SCAF8: variants seen among roughly 807,000 people sequenced by gnomAD.
SCAF8 encodes SR-related and CTD-associated factor 8.
In SCAF8, 23 loss-of-function variants were observed where a neutral mutation model predicts 140.5. That is an observed-to-expected ratio of 0.16 (90% CI 0.12 to 0.23). SCAF8 has a LOEUF of 0.23. SCAF8 is among the 10% of genes least tolerant of loss of function. SCAF8 has a pLI of 1.00. For missense variants in SCAF8, 1,397 were observed against 1,555.7 expected (o/e 0.90, Z 1.72); for synonymous variants, 575 against 528.9 (o/e 1.09, Z -1.20).
At chr6:154,798,945 G>A (rs982553868) in intron 6 of SCAF8, among the ~76,000 whole-genome samples, 2 of 150,886 alleles carry the variant, frequency 1.3e-5, no homozygotes, top group Admixed American at 6.6e-5. Flanking sequence ...GACTACACCT[G>A]TAGCCAGCAT....
intron 9 of SCAF8, 93 bp from the exon 10 acceptor site, chr6:154,807,977 A>T: frequency 1.8e-6 from 2 of 1,136,676 alleles, no homozygotes; most frequent in Non-Finnish European, 2.5e-6. Flanking sequence ...TCATGTTTTT[A>T]AACATGTAAT....
intron 1 of SCAF8, among the ~76,000 whole-genome samples, chr6:154,759,990 C>T (rs1442888992): frequency 6.6e-6 from 1 of 151,800 alleles, no homozygotes; most frequent in Non-Finnish European, 1.5e-5. Context: ...TTTATAAGCA[C>T]TTTAAAAAAT....
At chr6:154,806,229 C>G (rs1345786334) in intron 9 of SCAF8, among the ~76,000 whole-genome samples, 3 of 152,110 alleles carry the variant, frequency 2.0e-5, no homozygotes, top group Admixed American at 2.0e-4. Context: ...CAAAATATTG[C>G]ACCTTAGAAC....
chr6:154,736,688 A>C (rs1371338923), intron 1 of SCAF8, among the ~76,000 whole-genome samples: 2 of 152,198 alleles, frequency 1.3e-5, no homozygotes, highest in Non-Finnish European at 2.9e-5. Flanking sequence ...TTTTAATATT[A>C]ATTAAGGATA....
At position 154,802,161 on chromosome 6, in the gene SCAF8, T is replaced by C; in HGVS notation, c.783+14T>C. 1 of 1,532,608 alleles carries C rather than the reference T, an allele frequency of 6.5e-7. No homozygotes were observed. The highest frequency in any genetic ancestry group is 8.8e-7 in the Non-Finnish European group (1 of 1,131,650). 94.9% of individuals were successfully genotyped at this position (1,532,608 alleles called of 1,614,324 possible). On this transcript the variant is annotated intron_variant, in intron 7 of 19. Coordinates refer to ENST00000367178, the MANE Select transcript of SCAF8 (RefSeq NM_014892.5). The stretch of plus-strand genomic sequence containing the variant: ...TCCTTTAACAAGGTAGAAATTAAAA[T>C]ATCGGATCAAGTCTATATGAATTAT...
intron 1 of SCAF8, among the ~76,000 whole-genome samples, chr6:154,755,828 T>C (rs1249445169): frequency 6.6e-6 from 1 of 152,194 alleles, no homozygotes; most frequent in Admixed American, 6.5e-5. Flanking sequence ...ACTCAGTGAT[T>C]TTGTAGTAGG....
intron 1 of SCAF8, among the ~76,000 whole-genome samples, chr6:154,741,368 T>C (rs930565521): frequency 4.6e-5 from 7 of 152,174 alleles, no homozygotes; most frequent in African/African-American, 1.7e-4. Context: ...TAGGGGACTT[T>C]ATAGCCCCAG....
chr6:154,733,867 C>T lies in SCAF8; in HGVS notation c.-34C>T, dbSNP rs754831911. The T allele has an allele frequency of 1.3e-6, 2 of 1,544,434 alleles. No individual in the cohort carries two copies. The highest frequency in any genetic ancestry group is 1.2e-5 in the South Asian group (1 of 83,524). On this transcript the variant is annotated 5_prime_UTR_variant, in exon 1 of 20. Coordinates refer to ENST00000367178, the MANE Select transcript of SCAF8 (RefSeq NM_014892.5). ...CCCAGTGCAGTGGCCGCCGCCTCTT[C>T]CGCCGCCGGGCTCGGGGCCTCCGCA...
chr6:154,776,311 GTATATATATA>G (rs1268460100), intron 2 of SCAF8, among the ~76,000 whole-genome samples: 2 of 101,546 alleles, frequency 2.0e-5, no homozygotes, highest in Non-Finnish European at 4.0e-5. Flanking sequence ...ATATATATAT[GTATATATATA>G]AACACTACAT....
chr6:154,757,972 G>A (rs977606690), intron 1 of SCAF8, among the ~76,000 whole-genome samples: 8 of 149,454 alleles, frequency 5.4e-5, no homozygotes, highest in African/African-American at 7.4e-5. Flanking sequence ...GTACAGTGGC[G>A]TAATCTTGGC....
intron 11 of SCAF8, 40 bp from the exon 12 acceptor site, chr6:154,809,974 GA>G (rs770160164): frequency 4.6e-6 from 7 of 1,506,762 alleles, no homozygotes; most frequent in Non-Finnish European, 4.5e-6. Context: ...TTGGTAGAAA[GA>G]AAACATTGTC....
chr6:154,796,829 A>G (rs7745018), intron 6 of SCAF8, among the ~76,000 whole-genome samples: 91,657 of 151,926 alleles, frequency 0.6, 30,271 homozygotes, highest in East Asian at 0.91. Flanking sequence ...AAAATTAGCT[A>G]GGCAGCTTGG....
Position 154,777,902 on chromosome 6 carries a change from T to C in SCAF8, c.115-99T>C, listed in dbSNP as rs1481222688. On this transcript the variant is annotated intron_variant, in intron 2 of 19. Transcript: ENST00000367178. The stretch of plus-strand genomic sequence containing the variant: ...AAAATTCTTGGTTAAGATAATTGTT[T>C]TGATAGACCTTTGGAGCATGTAAAA... 4 of 713,148 alleles carry C rather than the reference T, an allele frequency of 5.6e-6. No individual in the cohort carries two copies. The East Asian group carries it at 8.1e-5, about 15-fold the overall frequency. The allele number at this position is 713,148 out of a possible 1,614,324, so 44.2% of individuals were successfully genotyped here.
intron 8 of SCAF8, among the ~76,000 whole-genome samples, chr6:154,804,704 T>C (rs1198536679): frequency 1.3e-5 from 2 of 152,206 alleles, no homozygotes; most frequent in African/African-American, 4.8e-5. Context: ...AAGTACACTT[T>C]TTTCCAACTG....
At chr6:154,778,310 G>A (rs979433719) in intron 3 of SCAF8, among the ~76,000 whole-genome samples, 1 of 152,236 alleles carries the variant, frequency 6.6e-6, no homozygotes, top group Non-Finnish European at 1.5e-5. Flanking sequence ...GATTCAGCAA[G>A]GTTGCAGTGT....
chr6:154,772,712 A>C (rs556670486), intron 1 of SCAF8, among the ~76,000 whole-genome samples: 11 of 152,126 alleles, frequency 7.2e-5, no homozygotes, highest in South Asian at 4.1e-4. Flanking sequence ...ATCAATCAAT[A>C]AAGTGGGGGA....
chr6:154,803,892 TTTAAG>T (rs1355455823), intron 8 of SCAF8, among the ~76,000 whole-genome samples: 6 of 152,184 alleles, frequency 3.9e-5, no homozygotes, highest in Non-Finnish European at 8.8e-5. Flanking sequence ...CATATTAGGC[TTTAAG>T]TTATTTAACT....
intron 10 of SCAF8, 113 bp from the exon 11 acceptor site, chr6:154,808,573 C>A: frequency 1.4e-6 from 1 of 695,422 alleles, no homozygotes; most frequent in Non-Finnish European, 2.5e-6. Context: ...TTGGACACCC[C>A]TGTATTAGGC....
In SCAF8 at chr6:154,833,216, C is replaced by T; in HGVS notation, c.3637C>T (p.Gln1213Ter). Reference protein sequence around the residue: ...TSQRKGDNVPQVNGENTERHA... With the variant: ...TSQRKGDNVP The stretch of plus-strand genomic sequence containing the variant: ...TCAACGAAAAGGTGATAATGTGCCT[C>T]AGGTTAATGGTGAAAATACAGAGAG... The change falls in exon 20 of 20, where the codon CAG becomes TAG. Residue 1213 changes from glutamine to a stop codon, truncating the protein, a stop_gained. Transcript: ENST00000367178. LOFTEE classifies it high-confidence loss of function. 6.2e-7 allele frequency: 1 copy of T among 1,614,040 alleles called. No individual in the cohort carries two copies.
Sources: allele counts gnomAD v4.1 joint callset (sites outside exome capture counted in the v4.1 genomes callset), GRCh38; gene constraint gnomAD v4.1.1; transcripts MANE v1.5; gene names NCBI Gene and HGNC (gene_info 2026-07-23, HGNC 2026-07-21).